Variants in TTC7A observed in about 807,000 individuals in gnomAD.
TTC7A encodes the protein tetratricopeptide repeat protein 7A.
In TTC7A, 110 loss-of-function variants were observed where a neutral mutation model predicts 103.7. The observed-to-expected ratio is 1.06, with a 90% CI of 0.91 to 1.24. TTC7A has a LOEUF of 1.24. Ranked by LOEUF, TTC7A falls within the 50% of genes most tolerant of loss-of-function variation. TTC7A has a pLI of 0.00. For synonymous variants in TTC7A, 521 were observed against 467.9 expected (o/e 1.11, Z -1.47); for missense variants, 1,340 against 1,116.3 (o/e 1.20, Z -2.86).
At chr2:46,980,652 G>T (rs1264622257) in intron 5 of TTC7A, among the ~76,000 whole-genome samples, 3 of 152,180 alleles carry the variant, frequency 2.0e-5, no homozygotes, top group Admixed American at 6.5e-5. Context: ...GGCTTGATCT[G>T]GGCCCTGGCT....
At chr2:46,987,375 G>A (rs773358089) in intron 5 of TTC7A, among the ~76,000 whole-genome samples, 2 of 152,230 alleles carry the variant, frequency 1.3e-5, no homozygotes, top group African/African-American at 4.8e-5. Context: ...TAGGGGTGAA[G>A]CAGTGGGGGC....
chr2:47,027,565 CAG>C (rs530956785), intron 14 of TTC7A, among the ~76,000 whole-genome samples: 132 of 152,340 alleles, frequency 8.7e-4, no homozygotes, highest in African/African-American at 3.0e-3. Flanking sequence ...GAACTGAATT[CAG>C]AGAGAATGAG....
chr2:46,921,815 G>A (rs1420259699), intron 2 of TTC7A, among the ~76,000 whole-genome samples: 7 of 152,114 alleles, frequency 4.6e-5, no homozygotes, highest in South Asian at 2.1e-4. Context: ...CCTTACATGC[G>A]CAGTTCACAG....
intron 3 of TTC7A, among the ~76,000 whole-genome samples, chr2:46,960,307 C>T (rs1049481555): frequency 2.0e-5 from 3 of 152,188 alleles, no homozygotes; most frequent in Non-Finnish European, 4.4e-5. Flanking sequence ...CACCTATGGC[C>T]CTGGACAGAG....
chr2:46,920,016 C>T (rs966710508), intron 2 of TTC7A, among the ~76,000 whole-genome samples: 1 of 152,116 alleles, frequency 6.6e-6, no homozygotes, highest in East Asian at 1.9e-4. Context: ...TTGTGTTGTT[C>T]TGAATTCAGA....
rs1454751681 is a variant in TTC7A, at chr2:47,046,410, T to C, written c.1898T>C (p.Leu633Pro). The C allele has an allele frequency of 6.2e-7, 1 of 1,614,068 alleles. No individual in the cohort carries two copies. Among genetic ancestry groups the C allele is most frequent in the Middle Eastern group, 1.6e-4 (1 of 6,062 alleles). The change falls in exon 16 of 20, where the codon CTG becomes CCG. Residue 633 changes from leucine (L) to proline (P), a missense_variant. Transcript: ENST00000319190. ...CAAGTGCTGAGGCTGTGGCAGACCCTGTACAGCTTCTCCCAGCTGGGGTGA... is the reference window on the plus strand; with the variant it reads ...CAAGTGCTGAGGCTGTGGCAGACCCCGTACAGCTTCTCCCAGCTGGGGTGA... The part of the protein sequence containing the change: ...CRQVLRLWQT[L>P]YSFSQLGGLE...
intron 2 of TTC7A, among the ~76,000 whole-genome samples, chr2:46,926,081 G>C (rs1381963199): frequency 6.6e-6 from 1 of 152,118 alleles, no homozygotes; most frequent in Non-Finnish European, 1.5e-5. Flanking sequence ...TGTCTGTTTT[G>C]CTTCCCACCC....
intron 5 of TTC7A, among the ~76,000 whole-genome samples, chr2:46,979,303 T>C (rs1383043413): frequency 6.6e-6 from 1 of 152,196 alleles, no homozygotes; most frequent in African/African-American, 2.4e-5. Flanking sequence ...TTGGTTCCTC[T>C]GAGCCTCACG....
At chr2:47,003,073 C>T (rs746871901) in intron 8 of TTC7A, among the ~76,000 whole-genome samples, 2 of 152,224 alleles carry the variant, frequency 1.3e-5, no homozygotes, top group Non-Finnish European at 2.9e-5. Context: ...AAATCCACCC[C>T]TCCCTCTGCC....
intron 2 of TTC7A, among the ~76,000 whole-genome samples, chr2:46,921,532 TTTGTCTC>T: frequency 6.6e-6 from 1 of 152,346 alleles, no homozygotes; most frequent in East Asian, 1.9e-4. Context: ...TGTCTACTCT[TTTGTCTC>T]TTGTCAAAGC....
chr2:47,046,213 G>C, intron 15 of TTC7A, 102 bp from the exon 16 acceptor site: 2 of 844,812 alleles, frequency 2.4e-6, no homozygotes, highest in Admixed American at 1.8e-5. Flanking sequence ...CTTTCTGCGA[G>C]TTAGGGAGGT....
Position 46,961,632 on chromosome 2 carries a change from C to T in TTC7A, c.517+4625C>T, listed in dbSNP as rs183547116. On this transcript the variant is annotated intron_variant, in intron 3 of 19. Coordinates refer to ENST00000319190, the MANE Select transcript of TTC7A (RefSeq NM_020458.4). Reference sequence around the variant, plus strand: ...AATAAAAAATAATCTAGGCTGGGTGCGGTGGCTCATGCCTGTAATCCCAGC... The same window carrying T: ...AATAAAAAATAATCTAGGCTGGGTGTGGTGGCTCATGCCTGTAATCCCAGC... Among the ~76,000 whole-genome samples the T allele has an allele frequency of 1.6e-3, 225 of 139,306 alleles. 2 individuals carry two copies. The highest frequency in any genetic ancestry group is 7.3e-3 in the East Asian group (33 of 4,492). 91.4% of individuals were successfully genotyped at this position (139,306 alleles called of 152,430 possible). A position where few individuals can be genotyped will look rare whatever the true frequency, so the allele number is the denominator to read the frequency against.
intron 3 of TTC7A, among the ~76,000 whole-genome samples, chr2:46,957,388 A>C (rs1415181049): frequency 6.6e-6 from 1 of 152,248 alleles, no homozygotes; most frequent in Non-Finnish European, 1.5e-5. Flanking sequence ...AGAAAGGTTT[A>C]CAAAGTATGA....
chr2:47,039,228 A>G (rs1188327062), intron 15 of TTC7A, among the ~76,000 whole-genome samples: 1 of 152,174 alleles, frequency 6.6e-6, no homozygotes, highest in Non-Finnish European at 1.5e-5. Flanking sequence ...TGGCTCCCTT[A>G]TGTACATGGT....
intron 2 of TTC7A, among the ~76,000 whole-genome samples, chr2:46,925,351 A>T (rs1271297933): frequency 6.6e-6 from 1 of 152,122 alleles, no homozygotes. Context: ...TGAGGTCAGG[A>T]GTTCGAGACT....
intron 5 of TTC7A, among the ~76,000 whole-genome samples, chr2:46,989,637 GAAGGA>G (rs1675402410): frequency 6.9e-6 from 1 of 144,318 alleles, no homozygotes; most frequent in Non-Finnish European, 1.5e-5. Flanking sequence ...TTTTTTTCTT[GAAGGA>G]CATTCAATAA....
Position 47,024,204 on chromosome 2 carries a change from A to G in TTC7A, c.1569-83A>G, listed in dbSNP as rs1679619407. ...GGTATTGCCTCATAGCGCCCAGCAC[A>G]GGGCTGGCATGCTGGAGGCCCGAGT... On this transcript the variant is annotated intron_variant, in intron 13 of 19. Transcript: ENST00000319190. The G allele has an allele frequency of 1.0e-5, 13 of 1,252,572 alleles. No homozygotes were observed. The South Asian group carries it at 1.1e-4, about 11-fold the overall frequency. The allele number at this position is 1,252,572 out of a possible 1,614,324, so 77.6% of individuals were successfully genotyped here.
rs1433316078 is a variant in TTC7A at position 46,941,607 on chromosome 2, C to T, written c.66C>T (p.Ala22=). 1.9e-6 allele frequency: 3 copies of T among 1,556,514 alleles called. No homozygotes were observed. Among genetic ancestry groups the T allele is most frequent in the Admixed American group, 3.9e-5 (2 of 51,888 alleles). Residue 22 remains alanine (A), a synonymous_variant, in exon 1 of 20, where the codon GCC becomes GCT. Transcript: ENST00000319190. The surrounding 1 kb of genome is among the most constrained non-coding windows in gnomAD (Gnocchi z 4.2). ...AGAGCGAGCTGGAGCGCTGCCGCGC[C>T]GAGGGCCACTGGGACCGCATGCCGG... ...KVESELERCR[A]EGHWDRMPEL...
chr2:47,055,701 G>A (rs1476268109), intron 18 of TTC7A, among the ~76,000 whole-genome samples: 1 of 152,134 alleles, frequency 6.6e-6, no homozygotes, highest in Non-Finnish European at 1.5e-5. Flanking sequence ...CTTTCTCCAG[G>A]TTTAGGGGAA....
Sources: gnomAD v4.1 joint callset for allele counts (sites outside exome capture counted in the v4.1 genomes callset) on GRCh38, gnomAD v4.1.1 for gene constraint, Gnocchi (gnomAD v3.1) non-coding constraint, MANE v1.5 for transcripts, NCBI Gene and HGNC (gene_info 2026-07-23, HGNC 2026-07-21) for gene names.